WRN: variants seen among roughly 807,000 people sequenced by gnomAD.
WRN encodes the protein WRN RecQ like helicase.
In WRN, 149 loss-of-function variants were observed where a neutral mutation model predicts 180.7. The observed-to-expected ratio is 0.82, with a 90% CI of 0.72 to 0.94. The LOEUF (loss-of-function observed/expected upper bound fraction) is 0.94. WRN is among the 40% of genes least tolerant of loss of function. WRN has a pLI of 0.00. For missense variants in WRN, 1,661 were observed against 1,700.1 expected, an observed-to-expected ratio of 0.98 and a Z score of 0.40; for synonymous variants, 548 against 568.9, an observed-to-expected ratio of 0.96 and a Z score of 0.52.
chr8:31,097,059 T>C (rs1266685136), intron 17 of WRN, among the ~76,000 whole-genome samples: 2 of 152,226 alleles, frequency 1.3e-5, no homozygotes, highest in Non-Finnish European at 2.9e-5. Context: ...GGCTCTGTTA[T>C]CATAATTACC....
rs1211304012 is a variant in WRN, at chr8:31,147,141, TA to T, written c.3459+18del. ...GCAGGAGACTCAGGTAAGGCTTTTG[TA>T]AAAAGGTAATTAGTTTATGATAGGA... is the stretch of plus-strand genomic sequence containing the variant. On this transcript the variant is annotated intron_variant, in intron 29 of 34. Transcript: ENST00000298139. 2 of 1,612,038 alleles carry T rather than the reference TA, an allele frequency of 1.2e-6. No homozygotes were observed. The highest frequency in any genetic ancestry group is 2.2e-5 in the South Asian group (2 of 91,038).
intron 18 of WRN, among the ~76,000 whole-genome samples, chr8:31,103,983 C>G (rs1297964099): frequency 6.6e-6 from 1 of 152,202 alleles, no homozygotes; most frequent in Non-Finnish European, 1.5e-5. Flanking sequence ...ATCCACCTGC[C>G]TCGGCCTCCC....
At chr8:31,088,825 T>C in intron 12 of WRN, 65 bp from the exon 13 acceptor site, 6 of 1,336,446 alleles carry the variant, frequency 4.5e-6, no homozygotes, top group Non-Finnish European at 6.3e-6. Context: ...TGAAATAAAC[T>C]GTTTTCTCCC....
chr8:31,076,405 TAC>T, intron 8 of WRN, 118 bp downstream of exon 8: 19 of 816,448 alleles, frequency 2.3e-5, no homozygotes, highest in Middle Eastern at 3.5e-4. Context: ...TTTGCTTGAA[TAC>T]ACACACACAG....
At chr8:31,097,440 ACCT>A (rs1814035890) in intron 17 of WRN, among the ~76,000 whole-genome samples, 1 of 152,174 alleles carries the variant, frequency 6.6e-6, no homozygotes, top group African/African-American at 2.4e-5. Flanking sequence ...AAACCACAGT[ACCT>A]TTGATTAGTT....
intron 30 of WRN, among the ~76,000 whole-genome samples, chr8:31,147,884 ATTTTTTTTTT>A (rs367782924): frequency 7.9e-6 from 1 of 126,906 alleles, no homozygotes; most frequent in African/African-American, 3.0e-5. Context: ...CTTCTTCTTC[ATTTTTTTTTT>A]TTTTTTTGTC....
intron 1 of WRN, among the ~76,000 whole-genome samples, chr8:31,037,791 A>G (rs1811505028): frequency 6.6e-6 from 1 of 152,022 alleles, no homozygotes; most frequent in Non-Finnish European, 1.5e-5. Flanking sequence ...ACTAGAGTTT[A>G]GTATATTTTG....
intron 19 of WRN, among the ~76,000 whole-genome samples, chr8:31,115,627 A>G (rs1472204638): frequency 6.6e-6 from 1 of 152,190 alleles, no homozygotes; most frequent in Non-Finnish European, 1.5e-5. Flanking sequence ...ACTTTTCCTA[A>G]ATCTAAAATA....
rs1357153515 is a variant in WRN at position 31,081,250 on chromosome 8, A to T, written c.1223A>T (p.Gln408Leu). ...CATGAACTCCAAATTTTGGAACAGC[A>T]GTCTCAGGAAGAATATCTTAGTGAT... ...TEHELQILEQ[Q>L]SQEEYLSDIA... The change falls in exon 9 of 35, where the codon CAG becomes CTG. Residue 408 changes from glutamine (Q) to leucine (L), a missense_variant. Physicochemically the swap from Gln to Leu is moderately radical, Grantham distance 113. Around this residue, in one of 3 missense-constraint regions of WRN, gnomAD observed 500 missense variants for 504.1 expected, o/e 0.99. Transcript: ENST00000298139. The T allele has an allele frequency of 6.2e-7, 1 of 1,613,044 alleles. No individual in the cohort carries two copies. Among genetic ancestry groups the T allele is most frequent in the South Asian group, 1.1e-5 (1 of 90,992 alleles).
At chr8:31,046,975 G>A (rs1811891950) in intron 1 of WRN, among the ~76,000 whole-genome samples, 1 of 152,050 alleles carries the variant, frequency 6.6e-6, no homozygotes, top group South Asian at 2.1e-4. Flanking sequence ...AACTTACTAT[G>A]TAAGATTTGC....
At chr8:31,089,098 T>C (rs1196041129) in intron 13 of WRN, 133 bp downstream of exon 13, 1 of 721,872 alleles carries the variant, frequency 1.4e-6, no homozygotes, top group Non-Finnish European at 2.4e-6. Flanking sequence ...CTGTATTTTC[T>C]GTGTGACTAC....
chr8:31,077,444 G>A (rs920358224), intron 8 of WRN, among the ~76,000 whole-genome samples: 9 of 151,774 alleles, frequency 5.9e-5, no homozygotes, highest in Admixed American at 4.6e-4. Context: ...GGGTTTCACC[G>A]TGTTAGCCAG....
chr8:31,064,832 C>T (rs1423241215), intron 4 of WRN, 83 bp from the exon 5 acceptor site: 2 of 1,476,380 alleles, frequency 1.4e-6, no homozygotes, highest in African/African-American at 1.4e-5. Context: ...CAAATTTACA[C>T]ATAAACATGG....
In WRN at chr8:31,167,136, C is replaced by T. The variant is rs2130514852; in HGVS notation, c.4097C>T (p.Ser1366Leu). 6.2e-7 allele frequency: 1 copy of T among 1,613,360 alleles called. No homozygotes were observed. Among genetic ancestry groups the T allele is most frequent in the Non-Finnish European group, 8.5e-7 (1 of 1,179,526 alleles). Reference protein sequence around the residue: ...KHGPDSGLQPSCDVNKRRCFP... With the variant: ...KHGPDSGLQPLCDVNKRRCFP... Reference sequence around the variant, plus strand: ...GGTCCTGACAGCGGACTTCAACCTTCATGTGATGTCAACAAAAGGAGATGT... The same window carrying T: ...GGTCCTGACAGCGGACTTCAACCTTTATGTGATGTCAACAAAAGGAGATGT... The change falls in exon 34 of 35, where the codon TCA (serine) becomes TTA (leucine). Residue 1366 changes from serine (S) to leucine (L), a missense_variant. Ser to Leu is a moderately radical substitution (Grantham distance 145, BLOSUM62 -2). Coordinates refer to ENST00000298139, the MANE Select transcript of WRN (RefSeq NM_000553.6).
chr8:31,087,924 A>C lies in WRN; in HGVS notation c.1576+4A>C, dbSNP rs767944222. The C allele has an allele frequency of 4.3e-6, 7 of 1,612,394 alleles. No homozygotes were observed. In the South Asian group the frequency reaches 7.7e-5, roughly 18 times the overall value. On this transcript the variant is annotated splice_donor_region_variant and intron_variant, in intron 12 of 34. Coordinates refer to ENST00000298139, the MANE Select transcript of WRN (RefSeq NM_000553.6). The stretch of plus-strand genomic sequence containing the variant: ...GGGGAAGAAGATGATGATAAGGGTA[A>C]GCACTGAAGTATGTTTGAAATGACT...
intron 28 of WRN, among the ~76,000 whole-genome samples, chr8:31,144,773 G>A (rs1295826744): frequency 2.6e-5 from 4 of 152,232 alleles, no homozygotes; most frequent in Non-Finnish European, 1.5e-5. Context: ...GCACCAAACA[G>A]TTAGTTTGCA....
rs909628337 is a variant in WRN at position 31,174,311 on chromosome 8, C to T, written c.*1209C>T. Among the ~76,000 whole-genome samples, 17 of 152,170 alleles carry T rather than the reference C, an allele frequency of 1.1e-4. No homozygotes were observed. Among genetic ancestry groups the T allele is most frequent in the African/African-American group, 3.1e-4 (13 of 41,440 alleles). ...ATCCTGTGTGATGGAGTGGCAAGTA[C>T]GCACAGACACGTCTGCTGCATGCCT... On this transcript the variant is annotated 3_prime_UTR_variant, in exon 35 of 35. Coordinates refer to ENST00000298139, the MANE Select transcript of WRN (RefSeq NM_000553.6).
chr8:31,174,175 A>T lies in WRN; in HGVS notation c.*1073A>T, dbSNP rs1804197564. On this transcript the variant is annotated 3_prime_UTR_variant, in exon 35 of 35. Transcript: ENST00000298139. ...GTCTCGTATATTCCCATTTTTCTGC[A>T]TTGCATTACCAGAAGGTAGTGGCGC... is the stretch of plus-strand genomic sequence containing the variant. Among the ~76,000 whole-genome samples, 2 of 152,252 alleles carry T rather than the reference A, an allele frequency of 1.3e-5. No homozygotes were observed. Among genetic ancestry groups the T allele is most frequent in the African/African-American group, 4.8e-5 (2 of 41,522 alleles).
At position 31,124,588 on chromosome 8, in the gene WRN, G is replaced by A. The variant is rs764253610; in HGVS notation, c.2697G>A (p.Met899Ile). Reference sequence around the variant, plus strand: ...ACAAATTAAAGATGATGGCAAAGATGGAAAAATATCTTCATTCTAGCAGAT... The same window carrying A: ...ACAAATTAAAGATGATGGCAAAGATAGAAAAATATCTTCATTCTAGCAGAT... ...RLYKLKMMAK[M>I]EKYLHSSRCR... Residue 899 changes from methionine to isoleucine, a missense_variant, in exon 22 of 35, where the codon ATG becomes ATA. This residue lies in a region of WRN where 1,141 missense variants were observed against 1,149.4 expected (regional missense o/e 0.99). Transcript: ENST00000298139. 3 of 1,612,556 alleles carry A rather than the reference G, an allele frequency of 1.9e-6. No homozygotes were observed. The highest frequency in any genetic ancestry group is 2.5e-6 in the Non-Finnish European group (3 of 1,179,002).
Sources: allele counts gnomAD v4.1 joint callset (sites outside exome capture counted in the v4.1 genomes callset), GRCh38; gene constraint gnomAD v4.1.1; regional missense constraint gnomAD v4.1.1; transcripts MANE v1.5; gene names NCBI Gene and HGNC (gene_info 2026-07-23, HGNC 2026-07-21).